ITSN1: variants seen among roughly 807,000 people sequenced by gnomAD.
ITSN1 encodes the protein intersectin 1.
ITSN1 carries 58 observed loss-of-function variants against 239.8 expected under a neutral mutation model. That is an observed-to-expected ratio of 0.24 (90% CI 0.20 to 0.30). ITSN1 has a LOEUF of 0.30. ITSN1 is among the 10% of genes least tolerant of loss of function. The probability of loss-of-function intolerance (pLI) is 1.00; values close to 1 mark genes in which losing one functional copy is unlikely to be tolerated. For synonymous variants in ITSN1, 780 were observed against 770.8 expected (o/e 1.01, Z -0.20); for missense variants, 1,558 against 2,103.3 (o/e 0.74, Z 5.07).
At chr21:33,707,596 A>C (rs575276080) in intron 1 of ITSN1, among the ~76,000 whole-genome samples, 1 of 152,210 alleles carries the variant, frequency 6.6e-6, no homozygotes, top group African/African-American at 2.4e-5. Context: ...GGTTTTTGTC[A>C]CTATAATTAG....
At chr21:33,789,328 C>T (rs1158468687) in intron 16 of ITSN1, among the ~76,000 whole-genome samples, 1 of 152,038 alleles carries the variant, frequency 6.6e-6, no homozygotes, top group East Asian at 1.9e-4. Flanking sequence ...GTAGCTACAT[C>T]ATTTTTTAAT....
chr21:33,680,939 TGTG>T (rs1217026701), intron 1 of ITSN1, among the ~76,000 whole-genome samples: 2 of 152,220 alleles, frequency 1.3e-5, no homozygotes, highest in African/African-American at 4.8e-5. Flanking sequence ...TAAATTATGT[TGTG>T]GTAACAATCT....
chr21:33,891,077 G>A lies in ITSN1; in HGVS notation c.*2777G>A, dbSNP rs1051101181. ...GCAGAGTCCACATCCTGGTCCCTCTGGGGCAGGGCCTGTCTGGCTGCTGGC... is the reference window on the plus strand; with the variant it reads ...GCAGAGTCCACATCCTGGTCCCTCTAGGGCAGGGCCTGTCTGGCTGCTGGC... On this transcript the variant is annotated 3_prime_UTR_variant, in exon 40 of 40. Coordinates refer to ENST00000381318, the MANE Select transcript of ITSN1 (RefSeq NM_003024.3). 3 of 152,364 alleles carry A rather than the reference G, an allele frequency of 2.0e-5. No individual in the cohort carries two copies. The highest frequency in any genetic ancestry group is 1.3e-4 in the Admixed American group (2 of 15,286). 9.4% of individuals were successfully genotyped at this position (152,364 alleles called of 1,614,324 possible). A position where few individuals can be genotyped will look rare whatever the true frequency, so the allele number is the denominator to read the frequency against.
chr21:33,844,321 G>C (rs1233644387), intron 29 of ITSN1, among the ~76,000 whole-genome samples: 1 of 152,196 alleles, frequency 6.6e-6, no homozygotes, highest in African/African-American at 2.4e-5. Flanking sequence ...GAGGCCACCA[G>C]GGAAAATGGA....
At chr21:33,841,200 C>T (rs1009113633) in intron 29 of ITSN1, among the ~76,000 whole-genome samples, 2 of 152,188 alleles carry the variant, frequency 1.3e-5, no homozygotes, top group Admixed American at 1.3e-4. Flanking sequence ...AGACCCAGGC[C>T]GCAAATAGTA....
Position 33,859,875 on chromosome 21 carries a change from C to T in ITSN1, c.3890+1083C>T, listed in dbSNP as rs528620079. On this transcript the variant is annotated intron_variant, in intron 31 of 39. Coordinates refer to ENST00000381318, the MANE Select transcript of ITSN1 (RefSeq NM_003024.3). The stretch of plus-strand genomic sequence containing the variant: ...GAGAAGGTCTGGACTCCGTTGCCCG[C>T]GCCCCCTGCCACCCGATGCCGTGGA... Among the ~76,000 whole-genome samples the T allele has an allele frequency of 6.6e-5, 10 of 152,262 alleles. No homozygotes were observed. The South Asian group carries it at 1.0e-3, about 16-fold the overall frequency.
chr21:33,837,111 C>T (rs1006955398), intron 29 of ITSN1: 1 of 1,528,178 alleles, frequency 6.5e-7, no homozygotes, highest in Non-Finnish European at 8.8e-7. Context: ...AGCATGATCA[C>T]CTACTGCCTT....
At position 33,738,970 on chromosome 21, in the gene ITSN1, T is replaced by A. The variant is rs562552227; in HGVS notation, c.346+3766T>A. Among the ~76,000 whole-genome samples, 432 of 152,158 alleles carry A rather than the reference T, an allele frequency of 2.8e-3. 3 individuals carry two copies. The highest frequency in any genetic ancestry group is 9.0e-3 in the African/African-American group (372 of 41,528). Reference sequence around the variant, plus strand: ...CCACCACACTGAAGTAATTAAAAAATTTTTTTTATAGATAGAGTCTTGCTC... The same window carrying A: ...CCACCACACTGAAGTAATTAAAAAAATTTTTTTATAGATAGAGTCTTGCTC... On this transcript the variant is annotated intron_variant, in intron 5 of 39. Coordinates refer to ENST00000381318, the MANE Select transcript of ITSN1 (RefSeq NM_003024.3).
At chr21:33,816,482 C>T (rs755110130) in intron 22 of ITSN1, among the ~76,000 whole-genome samples, 15 of 152,122 alleles carry the variant, frequency 9.9e-5, no homozygotes, top group Admixed American at 2.0e-4. Context: ...AATCGAGATT[C>T]AGAGAGATTA....
chr21:33,797,295 A>G lies in ITSN1; in HGVS notation c.1953-84A>G. 1 of 1,149,290 alleles carries G rather than the reference A, an allele frequency of 8.7e-7. No individual in the cohort carries two copies. Among genetic ancestry groups the G allele is most frequent in the Admixed American group, 1.8e-5 (1 of 54,122 alleles). 71.2% of individuals were successfully genotyped at this position (1,149,290 alleles called of 1,614,324 possible). On this transcript the variant is annotated intron_variant, in intron 17 of 39. Transcript: ENST00000381318. The surrounding 1 kb of genome is among the most constrained non-coding windows in gnomAD (Gnocchi z 4.9). ...TTGATGTTCCCATCCCATTTACTGGATGGAGCTTTTTTTGTGAAAAGAGGC... is the reference window on the plus strand; with the variant it reads ...TTGATGTTCCCATCCCATTTACTGGGTGGAGCTTTTTTTGTGAAAAGAGGC...
chr21:33,702,985 A>G (rs1274187215), intron 1 of ITSN1, among the ~76,000 whole-genome samples: 1 of 151,930 alleles, frequency 6.6e-6, no homozygotes, highest in Non-Finnish European at 1.5e-5. Context: ...GCTGAGATGG[A>G]AAAATCGCTT....
intron 11 of ITSN1, among the ~76,000 whole-genome samples, chr21:33,770,461 A>C (rs996510449): frequency 1.3e-5 from 2 of 152,180 alleles, no homozygotes; most frequent in Admixed American, 6.5e-5. Context: ...CGACACAAAC[A>C]TTCAGTTCCT....
rs1986099091 is a variant in ITSN1 at position 33,888,320 on chromosome 21, C to G, written c.*20C>G. On this transcript the variant is annotated 3_prime_UTR_variant, in exon 40 of 40. Coordinates refer to ENST00000381318, the MANE Select transcript of ITSN1 (RefSeq NM_003024.3). ...CCGTAGGCAGCGGGCTCAGGGTGTG[C>G]TCAGCAGGGTCCCAGCCCACGGCCA... 2.5e-6 allele frequency: 4 copies of G among 1,602,156 alleles called. No individual in the cohort carries two copies. In the East Asian group the frequency reaches 9.0e-5, roughly 36 times the overall value.
intron 1 of ITSN1, among the ~76,000 whole-genome samples, chr21:33,711,078 GA>G (rs1228195273): frequency 6.6e-6 from 1 of 152,090 alleles, no homozygotes; most frequent in African/African-American, 2.4e-5. Flanking sequence ...CCTGGCCGGG[GA>G]AGGTTTTTAA....
At chr21:33,714,403 G>A (rs1255033859) in intron 1 of ITSN1, among the ~76,000 whole-genome samples, 1 of 152,150 alleles carries the variant, frequency 6.6e-6, no homozygotes, top group Admixed American at 6.5e-5. Flanking sequence ...TCTAATATTA[G>A]TCATAGTGAG....
intron 4 of ITSN1, 84 bp downstream of exon 4, chr21:33,722,735 T>A: frequency 7.6e-7 from 1 of 1,308,710 alleles, no homozygotes; most frequent in African/African-American, 1.5e-5. Context: ...ATATGATTTC[T>A]TATGTTATAA....
chr21:33,770,494 A>G (rs963432237), intron 11 of ITSN1, among the ~76,000 whole-genome samples: 14 of 152,198 alleles, frequency 9.2e-5, no homozygotes, highest in Non-Finnish European at 4.4e-5. Flanking sequence ...TAGTGCATTC[A>G]CAGTGCCTTG....
At chr21:33,715,846 A>T (rs2147019570) in intron 1 of ITSN1, among the ~76,000 whole-genome samples, 1 of 152,266 alleles carries the variant, frequency 6.6e-6, no homozygotes, top group Middle Eastern at 3.4e-3. Context: ...TGAACCCAGG[A>T]GGTGGAGGTT....
chr21:33,681,728 T>C (rs2090970444), intron 1 of ITSN1, among the ~76,000 whole-genome samples: 1 of 151,886 alleles, frequency 6.6e-6, no homozygotes, highest in African/African-American at 2.4e-5. Flanking sequence ...TGGAGTGCAG[T>C]GGCGAGATCT....
Sources: gnomAD v4.1 joint callset for allele counts (sites outside exome capture counted in the v4.1 genomes callset) on GRCh38, gnomAD v4.1.1 for gene constraint, Gnocchi (gnomAD v3.1) non-coding constraint, MANE v1.5 for transcripts, NCBI Gene and HGNC (gene_info 2026-07-23, HGNC 2026-07-21) for gene names.